Variants in ALDH1A2 observed in about 807,000 individuals in gnomAD.
ALDH1A2 encodes the protein aldehyde dehydrogenase 1 family member A2.
In ALDH1A2, 27 loss-of-function variants were observed where a neutral mutation model predicts 60.3. That is an observed-to-expected ratio of 0.45 (90% CI 0.33 to 0.62). The LOEUF (loss-of-function observed/expected upper bound fraction) is 0.62, where lower values mean the gene tolerates loss of function less well. ALDH1A2 is among the 20% of genes least tolerant of loss of function. The pLI, the probability that ALDH1A2 is intolerant of heterozygous loss-of-function variation, is 0.02. For missense variants in ALDH1A2, 581 were observed against 643.8 expected (o/e 0.90, Z 1.06); for synonymous variants, 289 against 232.4 (o/e 1.24, Z -2.21).
intron 4 of ALDH1A2, among the ~76,000 whole-genome samples, chr15:57,998,983 A>C (rs1386798132): frequency 1.3e-5 from 2 of 152,104 alleles, no homozygotes; most frequent in African/African-American, 4.8e-5. Context: ...GGTGCTGGGA[A>C]AACTAGCTAG....
chr15:57,966,914 T>A (rs957671292), intron 7 of ALDH1A2, among the ~76,000 whole-genome samples: 2 of 152,224 alleles, frequency 1.3e-5, no homozygotes, highest in African/African-American at 2.4e-5. Flanking sequence ...GGAGAGCACA[T>A]ATCACTTTAT....
intron 1 of ALDH1A2, among the ~76,000 whole-genome samples, chr15:58,019,003 T>G (rs1391483126): frequency 6.6e-6 from 1 of 152,202 alleles, no homozygotes; most frequent in Non-Finnish European, 1.5e-5. Flanking sequence ...TTAGGTTAGA[T>G]GATAATATTT....
At chr15:58,035,410 ATT>A (rs1195510514) in intron 1 of ALDH1A2, among the ~76,000 whole-genome samples, 1 of 151,116 alleles carries the variant, frequency 6.6e-6, no homozygotes, top group Non-Finnish European at 1.5e-5. Flanking sequence ...CTACAGTTTT[ATT>A]GTCTTTATTG....
At chr15:58,064,989 C>T (rs1897137471) in intron 1 of ALDH1A2, among the ~76,000 whole-genome samples, 3 of 152,250 alleles carry the variant, frequency 2.0e-5, no homozygotes, top group African/African-American at 7.2e-5. Context: ...AGTTACTGTA[C>T]TTATCAGTCA....
chr15:57,990,278 G>C (rs1186677050), intron 7 of ALDH1A2: 1 of 152,012 alleles, frequency 6.6e-6, no homozygotes, highest in Non-Finnish European at 1.5e-5. Context: ...ATATCCAACT[G>C]AGCATCTAAT....
At chr15:58,065,290 C>A (rs1476426981) in intron 1 of ALDH1A2, 2 of 536,130 alleles carry the variant, frequency 3.7e-6, no homozygotes, top group African/African-American at 1.9e-5. Flanking sequence ...GAGCCGTTGA[C>A]GGCTGCCCCT....
At chr15:58,058,713 A>G (rs1229977248) in intron 1 of ALDH1A2, among the ~76,000 whole-genome samples, 2 of 152,210 alleles carry the variant, frequency 1.3e-5, no homozygotes, top group African/African-American at 2.4e-5. Flanking sequence ...GTAGTGATAA[A>G]GAAATACTAC....
At chr15:58,017,997 C>T (rs1895831097) in intron 1 of ALDH1A2, among the ~76,000 whole-genome samples, 1 of 152,118 alleles carries the variant, frequency 6.6e-6, no homozygotes, top group Non-Finnish European at 1.5e-5. Context: ...CAAATATCTT[C>T]ATGGTCAGTA....
chr15:57,982,677 T>C (rs1894555648), intron 7 of ALDH1A2, among the ~76,000 whole-genome samples: 2 of 152,252 alleles, frequency 1.3e-5, no homozygotes, highest in Admixed American at 1.3e-4. Context: ...TCTTTGCTTA[T>C]GACAAGCCAT....
intron 7 of ALDH1A2, among the ~76,000 whole-genome samples, chr15:57,969,886 G>A (rs553683341): frequency 1.1e-4 from 16 of 152,256 alleles, no homozygotes; most frequent in South Asian, 2.1e-4. Flanking sequence ...GCTTATGGAC[G>A]ACAGTTTGGC....
chr15:57,963,572 T>G (rs1239040378), intron 9 of ALDH1A2, among the ~76,000 whole-genome samples: 2 of 152,010 alleles, frequency 1.3e-5, no homozygotes, highest in Non-Finnish European at 2.9e-5. Context: ...CTCGATCTCC[T>G]GACCTCATGA....
At chr15:57,992,633 T>C in intron 7 of ALDH1A2, 72 bp downstream of exon 7, 1 of 1,399,940 alleles carries the variant, frequency 7.1e-7, no homozygotes, top group Non-Finnish European at 1.0e-6. Context: ...TGGGTACTAG[T>C]TTTATTGTTT....
At position 58,026,877 on chromosome 15, in the gene ALDH1A2, C is replaced by G. The variant is rs552240504; in HGVS notation, c.118-12596G>C. Among the ~76,000 whole-genome samples the G allele has an allele frequency of 3.3e-5, 5 of 152,338 alleles. No homozygotes were observed. In the East Asian group the frequency reaches 9.7e-4, roughly 29 times the overall value. On this transcript the variant is annotated intron_variant, in intron 1 of 12. Transcript: ENST00000249750. ...TAAACAAAGTGGCCAGAAGATTGAA[C>G]TGGGTGGAGCCCACTACAGCTCAGC... is the stretch of plus-strand genomic sequence containing the variant.
chr15:58,014,288 G>C lies in ALDH1A2; in HGVS notation c.118-7C>G, dbSNP rs753088228. 1 of 1,609,246 alleles carries C rather than the reference G, an allele frequency of 6.2e-7. No individual in the cohort carries two copies. The highest frequency in any genetic ancestry group is 8.5e-7 in the Non-Finnish European group (1 of 1,175,682). ...ACTCGTTGTTTATAAAGATCTAAGG[G>C]AGTAGATAACAGAATGGGATCTGTG... On this transcript the variant is annotated splice_region_variant and splice_polypyrimidine_tract_variant and intron_variant, in intron 1 of 12. Coordinates refer to ENST00000249750, the MANE Select transcript of ALDH1A2 (RefSeq NM_003888.4).
At chr15:58,008,263 T>TA (rs1356908862) in intron 4 of ALDH1A2, among the ~76,000 whole-genome samples, 1 of 152,074 alleles carries the variant, frequency 6.6e-6, no homozygotes, top group African/African-American at 2.4e-5. Flanking sequence ...AACAGTTACT[T>TA]AGAGTTTAAG....
chr15:58,061,828 T>C lies in ALDH1A2; in HGVS notation c.117+3706A>G, dbSNP rs548429281. Among the ~76,000 whole-genome samples the C allele has an allele frequency of 3.3e-5, 5 of 152,260 alleles. No individual in the cohort carries two copies. The South Asian group carries it at 8.3e-4, about 25-fold the overall frequency. On this transcript the variant is annotated intron_variant, in intron 1 of 12. Transcript: ENST00000249750. ...GTGCTAGGCAGACCATTAGGCCCTA[T>C]AAAAATGTAAGTGGCATTATAATTA...
At position 58,032,776 on chromosome 15, in the gene ALDH1A2, CAA is replaced by C; in HGVS notation, c.118-18497_118-18496del. Among the ~76,000 whole-genome samples the C allele has an allele frequency of 1.4e-5, 2 of 144,494 alleles. 1 individual carries two copies. Among genetic ancestry groups the C allele is most frequent in the South Asian group, 4.3e-4 (2 of 4,598 alleles). 94.8% of individuals were successfully genotyped at this position (144,494 alleles called of 152,430 possible). ...ACAATAGCAAAGATACAGAATCAAC[CAA>C]AGTGCCCCTCAACACACACACACAC... On this transcript the variant is annotated intron_variant, in intron 1 of 12. Transcript: ENST00000249750.
intron 1 of ALDH1A2, among the ~76,000 whole-genome samples, chr15:58,055,475 G>C (rs1287109583): frequency 6.6e-6 from 1 of 151,760 alleles, no homozygotes; most frequent in Non-Finnish European, 1.5e-5. Flanking sequence ...TTAGAAGTAG[G>C]GAGTTACACA....
chr15:58,025,922 G>C (rs113254272), intron 1 of ALDH1A2, among the ~76,000 whole-genome samples: 2 of 152,162 alleles, frequency 1.3e-5, no homozygotes, highest in Non-Finnish European at 2.9e-5. Context: ...TTACCTCAGA[G>C]AGTGCACCAA....
Sources: gnomAD v4.1 joint callset for allele counts (sites outside exome capture counted in the v4.1 genomes callset) on GRCh38, gnomAD v4.1.1 for gene constraint, MANE v1.5 for transcripts, NCBI Gene and HGNC (gene_info 2026-07-23, HGNC 2026-07-21) for gene names.